The following ARHGAP10 variants were observed in gnomAD, a reference collection of about 807,000 sequenced individuals.
ARHGAP10 encodes rho GTPase-activating protein 10.
In ARHGAP10, 87 loss-of-function variants were observed where a neutral mutation model predicts 108.6. That is an observed-to-expected ratio of 0.80 (90% CI 0.67 to 0.96). The LOEUF is 0.96. ARHGAP10 is among the 40% of genes least tolerant of loss of function. The pLI, the probability that ARHGAP10 is intolerant of heterozygous loss-of-function variation, is 0.00. For synonymous variants in ARHGAP10, 347 were observed against 341.1 expected (o/e 1.02, Z -0.19); for missense variants, 939 against 954.5 (o/e 0.98, Z 0.21).
rs79848599 is a variant in ARHGAP10, at chr4:148,003,894, G to C, written c.1717-19369G>C. 1.0e-3 allele frequency among the ~76,000 whole-genome samples: 122 copies of C among 121,740 alleles called. 24 individuals carry two copies. The highest frequency in any genetic ancestry group is 4.6e-3 in the African/African-American group (112 of 24,244). 79.9% of individuals were successfully genotyped at this position (121,740 alleles called of 152,430 possible). ...GCCCAACAGTGTCTTTTATCTGAGTGTAAGCCTAAATCAGCAAGTGAAGAA... is the reference window on the plus strand; with the variant it reads ...GCCCAACAGTGTCTTTTATCTGAGTCTAAGCCTAAATCAGCAAGTGAAGAA... On this transcript the variant is annotated intron_variant, in intron 18 of 22. Transcript: ENST00000336498.
intron 13 of ARHGAP10, chr4:147,916,795 C>T (rs1737004146): frequency 6.6e-6 from 1 of 152,180 alleles, no homozygotes; most frequent in South Asian, 2.1e-4. Context: ...CAGTGTACTG[C>T]CTGAGAGGAG....
chr4:147,840,195 C>A (rs935257143), intron 3 of ARHGAP10, among the ~76,000 whole-genome samples: 1 of 152,078 alleles, frequency 6.6e-6, no homozygotes, highest in Middle Eastern at 3.2e-3. Context: ...CCTTGCCAGG[C>A]AGCCTGTTTC....
intron 18 of ARHGAP10, among the ~76,000 whole-genome samples, chr4:148,008,971 AATC>A (rs1275529722): frequency 6.6e-6 from 1 of 152,204 alleles, no homozygotes; most frequent in Non-Finnish European, 1.5e-5. Context: ...GCTTTGGAAA[AATC>A]ATTATGTTAA....
intron 1 of ARHGAP10, among the ~76,000 whole-genome samples, chr4:147,780,885 C>T (rs535010221): frequency 1.7e-4 from 26 of 152,140 alleles, no homozygotes; most frequent in Non-Finnish European, 3.5e-4. Context: ...AGATGCCTCA[C>T]TAGGCTGGTA....
At chr4:148,027,924 G>A (rs1224554488) in intron 19 of ARHGAP10, among the ~76,000 whole-genome samples, 2 of 151,848 alleles carry the variant, frequency 1.3e-5, no homozygotes, top group Non-Finnish European at 2.9e-5. Context: ...ATTTATTAGT[G>A]GTTTTTATTA....
At chr4:147,833,590 T>C (rs1437226424) in intron 3 of ARHGAP10, among the ~76,000 whole-genome samples, 1 of 152,196 alleles carries the variant, frequency 6.6e-6, no homozygotes, top group East Asian at 1.9e-4. Flanking sequence ...AGTTGGACTT[T>C]GAAGAAGTTT....
intron 13 of ARHGAP10, among the ~76,000 whole-genome samples, chr4:147,919,218 TAAC>T (rs1194807016): frequency 2.6e-5 from 4 of 152,200 alleles, no homozygotes; most frequent in Admixed American, 6.5e-5. Context: ...ATATCTTAAA[TAAC>T]AAATAATAAA....
intron 22 of ARHGAP10, among the ~76,000 whole-genome samples, chr4:148,065,988 A>AAAAC (rs1165700517): frequency 6.6e-6 from 1 of 151,848 alleles, no homozygotes; most frequent in Non-Finnish European, 1.5e-5. Context: ...TCAAAAAAAA[A>AAAAC]AAAAAAAAGG....
At position 147,792,886 on chromosome 4, in the gene ARHGAP10, A is replaced by T. The variant is rs577046574; in HGVS notation, c.155-29841A>T. 1.4e-3 allele frequency among the ~76,000 whole-genome samples: 210 copies of T among 152,188 alleles called. 2 individuals are homozygous for T. The highest frequency in any genetic ancestry group is 2.0e-3 in the Non-Finnish European group (133 of 68,018). On this transcript the variant is annotated intron_variant, in intron 1 of 22. Transcript: ENST00000336498. ...GGTAGTTGGCCAGGCGAGGTGGCTC[A>T]CTCCTGTAATCCCAGCACTTTGGGA...
intron 18 of ARHGAP10, among the ~76,000 whole-genome samples, chr4:147,968,899 G>A (rs766615258): frequency 2.0e-5 from 3 of 152,172 alleles, no homozygotes; most frequent in Admixed American, 6.5e-5. Context: ...ATCTGGGGGC[G>A]GAAGCCATGT....
At chr4:148,022,451 T>C (rs1741603037) in intron 18 of ARHGAP10, among the ~76,000 whole-genome samples, 1 of 152,208 alleles carries the variant, frequency 6.6e-6, no homozygotes. Flanking sequence ...TATTGAAGAA[T>C]GAAGGGCCTG....
chr4:147,906,253 G>A (rs1429174516), intron 10 of ARHGAP10, among the ~76,000 whole-genome samples: 10 of 152,190 alleles, frequency 6.6e-5, no homozygotes, highest in Non-Finnish European at 8.8e-5. Flanking sequence ...TAGCAGCACT[G>A]TTCACAACAG....
At chr4:147,988,927 C>T (rs948490941) in intron 18 of ARHGAP10, among the ~76,000 whole-genome samples, 1 of 152,186 alleles carries the variant, frequency 6.6e-6, no homozygotes, top group Non-Finnish European at 1.5e-5. Flanking sequence ...TGAGCCTATA[C>T]CAAAAGACGT....
At chr4:147,971,372 G>A (rs2149618721) in intron 18 of ARHGAP10, among the ~76,000 whole-genome samples, 1 of 152,286 alleles carries the variant, frequency 6.6e-6, no homozygotes, top group South Asian at 2.1e-4. Flanking sequence ...AGACAGTCCA[G>A]TAGGGGAAAG....
At chr4:148,054,981 C>G (rs1455646857) in intron 20 of ARHGAP10, among the ~76,000 whole-genome samples, 2 of 152,204 alleles carry the variant, frequency 1.3e-5, no homozygotes, top group Non-Finnish European at 2.9e-5. Flanking sequence ...CAGTAACCTT[C>G]AGACCTCGAA....
At chr4:147,735,548 A>G (rs1728381586) in intron 1 of ARHGAP10, among the ~76,000 whole-genome samples, 1 of 152,202 alleles carries the variant, frequency 6.6e-6, no homozygotes. Context: ...TGGAGAGGTC[A>G]GTTTTAGATT....
chr4:147,981,960 T>C (rs1055040516), intron 18 of ARHGAP10, among the ~76,000 whole-genome samples: 3 of 152,212 alleles, frequency 2.0e-5, no homozygotes, highest in South Asian at 2.1e-4. Flanking sequence ...CGTGATCATA[T>C]GTGAGATGGG....
intron 18 of ARHGAP10, among the ~76,000 whole-genome samples, chr4:148,000,033 G>C (rs111821789): frequency 0.14 from 21,215 of 151,454 alleles, 2,354 homozygotes; most frequent in African/African-American, 0.31. Context: ...CCTATTAACT[G>C]GTCATTTACA....
intron 18 of ARHGAP10, among the ~76,000 whole-genome samples, chr4:148,018,517 C>A (rs1030298389): frequency 4.0e-5 from 6 of 150,504 alleles, no homozygotes. Flanking sequence ...AACAGTGTCC[C>A]TTTAAGTCAT....
Sources: allele counts gnomAD v4.1 joint callset (sites outside exome capture counted in the v4.1 genomes callset), GRCh38; gene constraint gnomAD v4.1.1; transcripts MANE v1.5; gene names NCBI Gene and HGNC (gene_info 2026-07-23, HGNC 2026-07-21).